The following SERPINA12 variants were observed in gnomAD, a reference collection of about 807,000 sequenced individuals.
SERPINA12 encodes serpin family A member 12.
In SERPINA12, 21 loss-of-function variants were observed where a neutral mutation model predicts 25.9. That is an observed-to-expected ratio of 0.81 (90% confidence interval 0.58 to 1.17). The LOEUF is 1.17. Ranked by LOEUF, SERPINA12 falls within the 50% of genes most tolerant of loss-of-function variation. The pLI is 0.00. For missense variants in SERPINA12, 562 were observed against 508.3 expected, an observed-to-expected ratio of 1.11 and a Z score of -1.02; for synonymous variants, 220 against 196.0, an observed-to-expected ratio of 1.12 and a Z score of -1.02.
chr14:94,503,300 A>G (rs1900807152), intron 1 of SERPINA12: 1 of 985,238 alleles, frequency 1.0e-6, no homozygotes, highest in African/African-American at 1.7e-5. Context: ...CTGGAAAACA[A>G]AGAGTGGAGA....
chr14:94,513,738 T>A (rs550662150), upstream of SERPINA12, among the ~76,000 whole-genome samples: 1 of 152,326 alleles, frequency 6.6e-6, no homozygotes, highest in East Asian at 1.9e-4. Flanking sequence ...AAAAAATTAC[T>A]GGGTGCTCAG....
At chr14:94,492,645 C>T (rs149610773) in intron 3 of SERPINA12, among the ~76,000 whole-genome samples, 173 of 152,288 alleles carry the variant, frequency 1.1e-3, no homozygotes, top group African/African-American at 4.0e-3. Flanking sequence ...AGCAGGGGGC[C>T]GTAGGTCCAG....
intron 1 of SERPINA12, among the ~76,000 whole-genome samples, chr14:94,508,669 T>C (rs1901016550): frequency 6.6e-6 from 1 of 152,230 alleles, no homozygotes; most frequent in Admixed American, 6.5e-5. Flanking sequence ...GTTAAAACTC[T>C]ACAGAATATG....
upstream of SERPINA12, chr14:94,511,236 T>TAAACAC (rs1555379549): frequency 5.3e-6 from 1 of 189,572 alleles, no homozygotes; most frequent in Non-Finnish European, 9.7e-6. Flanking sequence ...ACACCTCATG[T>TAAACAC]ACACACACAC....
chr14:94,498,446 A>G lies in SERPINA12; in HGVS notation c.-33-16T>C. On this transcript the variant is annotated splice_polypyrimidine_tract_variant and intron_variant, in intron 1 of 4. Transcript: ENST00000677451. ...AGTAGTAGACCTGAGGTCAGCAGAA[A>G]AAAAGAACATGATAACCCCATTGCC... The G allele has an allele frequency of 1.3e-6, 2 of 1,572,080 alleles. No homozygotes were observed. Among genetic ancestry groups the G allele is most frequent in the South Asian group, 2.4e-5 (2 of 83,104 alleles).
chr14:94,487,508 G>T lies in SERPINA12; in HGVS notation c.1054-14C>A. 6.3e-7 allele frequency: 1 copy of T among 1,592,946 alleles called. No individual in the cohort carries two copies. Among genetic ancestry groups the T allele is most frequent in the Non-Finnish European group, 8.5e-7 (1 of 1,169,912 alleles). ...CTTGTGCACAGCCTACGGAAGCCAA[G>T]GGCAAAGTCAAGGTCTGCCAAGCTC... On this transcript the variant is annotated splice_polypyrimidine_tract_variant and intron_variant, in intron 4 of 4. Transcript: ENST00000677451.
chr14:94,515,038 G>T (rs912827584), intron 2 of SERPINA12, among the ~76,000 whole-genome samples: 1 of 152,196 alleles, frequency 6.6e-6, no homozygotes, highest in African/African-American at 2.4e-5. Flanking sequence ...ACCTGCTGCT[G>T]GGCCTGACTC....
intron 3 of SERPINA12, 55 bp downstream of exon 3, chr14:94,496,318 A>G: frequency 1.3e-6 from 2 of 1,593,412 alleles, no homozygotes; most frequent in African/African-American, 1.3e-5. Context: ...GACAGCAGAA[A>G]TAAGAGGGAA....
chr14:94,508,841 G>C (rs1026977800), intron 1 of SERPINA12, among the ~76,000 whole-genome samples: 2 of 152,092 alleles, frequency 1.3e-5, no homozygotes, highest in African/African-American at 2.4e-5. Flanking sequence ...TGTGGGTGGG[G>C]GCCAGCTTTG....
upstream of SERPINA12, chr14:94,511,700 G>T (rs1471917783): frequency 9.1e-6 from 9 of 985,402 alleles, no homozygotes; most frequent in Non-Finnish European, 1.1e-5. Flanking sequence ...TCCTTCCAAA[G>T]AGGCAGAACT....
Position 94,515,583 on chromosome 14 carries a change from G to A in SERPINA12, c.-18+237C>T, listed in dbSNP as rs118026034. 6.3e-4 allele frequency among the ~76,000 whole-genome samples: 96 copies of A among 152,326 alleles called. 2 individuals are homozygous for A. In the East Asian group the frequency reaches 0.014, roughly 22 times the overall value. On this transcript the variant is annotated intron_variant, in intron 2 of 5. Coordinates refer to the SERPINA12 transcript ENST00000341228. ...CTGCTCCACTTGGGCCCTGCTCCAGGAGCTGGGGACGGCAGGGACAGCCAG... is the reference window on the plus strand; with the variant it reads ...CTGCTCCACTTGGGCCCTGCTCCAGAAGCTGGGGACGGCAGGGACAGCCAG...
intron 1 of SERPINA12, among the ~76,000 whole-genome samples, chr14:94,499,110 A>G (rs186186960): frequency 6.6e-6 from 1 of 152,356 alleles, no homozygotes. Flanking sequence ...GGTTTGAGGT[A>G]AATTTTTCCC....
At chr14:94,487,764 T>C (rs943357139) in intron 4 of SERPINA12, among the ~76,000 whole-genome samples, 1 of 152,188 alleles carries the variant, frequency 6.6e-6, no homozygotes, top group African/African-American at 2.4e-5. Flanking sequence ...TTTGCTTCTC[T>C]TTCTCATGGG....
At chr14:94,511,609 CT>C (rs1280411297), upstream of SERPINA12, 1 of 985,316 alleles carries the variant, frequency 1.0e-6, no homozygotes, top group Non-Finnish European at 1.2e-6. Flanking sequence ...AGTTTTCCAT[CT>C]CTGAGCCATT....
chr14:94,506,915 T>G (rs1443050873), intron 1 of SERPINA12, among the ~76,000 whole-genome samples: 2 of 152,212 alleles, frequency 1.3e-5, no homozygotes, highest in Non-Finnish European at 2.9e-5. Flanking sequence ...TCAAGATGGC[T>G]GTAAAGCCAC....
chr14:94,493,504 G>A (rs1158005721), intron 3 of SERPINA12, among the ~76,000 whole-genome samples: 1 of 152,136 alleles, frequency 6.6e-6, no homozygotes, highest in Non-Finnish European at 1.5e-5. Context: ...GGCAGACCAG[G>A]CACTAGAAAA....
In SERPINA12 at chr14:94,501,367, G is replaced by A. The variant is rs896836159; in HGVS notation, c.-33-2937C>T. Among the ~76,000 whole-genome samples, 10 of 152,294 alleles carry A rather than the reference G, an allele frequency of 6.6e-5. No individual in the cohort carries two copies. The South Asian group carries it at 8.3e-4, about 13-fold the overall frequency. ...CCGGGCAGGGCAGGGCTGGAGCAGG[G>A]AAGGAACCCACAGAAAGCACCATCC... On this transcript the variant is annotated intron_variant, in intron 1 of 4. Transcript: ENST00000677451.
chr14:94,514,995 G>A (rs974264950), intron 2 of SERPINA12, among the ~76,000 whole-genome samples: 14 of 152,160 alleles, frequency 9.2e-5, no homozygotes, highest in African/African-American at 3.4e-4. Context: ...GTGCTGTCTG[G>A]CCAGAAAAGA....
chr14:94,489,639 C>A lies in SERPINA12; in HGVS notation c.1034G>T (p.Arg345Leu). The A allele has an allele frequency of 6.2e-7, 1 of 1,613,890 alleles. No individual in the cohort carries two copies. Among genetic ancestry groups the A allele is most frequent in the Non-Finnish European group, 8.5e-7 (1 of 1,179,910 alleles). The change falls in exon 4 of 5, where the codon CGC becomes CTC. Residue 345 changes from arginine to leucine, a missense_variant. By Grantham distance (102) the Arg-to-Leu change is moderately radical. Transcript: ENST00000677451. ...GCTTACCTCGCCCACTTTCAGGCTG[C>A]GATGAGGGGCGATCTTGGTGAGATC... is the stretch of plus-strand genomic sequence containing the variant. Reference protein sequence around the residue: ...HGDLTKIAPHRSLKVGEAVHK... With the variant: ...HGDLTKIAPHLSLKVGEAVHK...
Sources: gnomAD v4.1 joint callset for allele counts (sites outside exome capture counted in the v4.1 genomes callset) on GRCh38, gnomAD v4.1.1 for gene constraint, MANE v1.5 for transcripts, NCBI Gene and HGNC (gene_info 2026-07-23, HGNC 2026-07-21) for gene names.